COL24A1: variants seen among roughly 807,000 people sequenced by gnomAD.
COL24A1 encodes collagen alpha-1(XXIV) chain.
COL24A1 carries 224 observed loss-of-function variants against 253.9 expected under a neutral mutation model. The observed-to-expected ratio is 0.88, with a 90% CI of 0.79 to 0.99. The LOEUF (loss-of-function observed/expected upper bound fraction) is 0.99, where lower values mean the gene tolerates loss of function less well. Among genes scored for constraint, COL24A1 ranks in the 50% least tolerant of loss-of-function variants. The pLI is 0.00. For synonymous variants in COL24A1, 685 were observed against 673.7 expected, an observed-to-expected ratio of 1.02 and a Z score of -0.26; for missense variants, 2,131 against 2,068.5, an observed-to-expected ratio of 1.03 and a Z score of -0.59.
At chr1:86,033,650 C>A (rs1041918855) in intron 13 of COL24A1, among the ~76,000 whole-genome samples, 2 of 142,184 alleles carry the variant, frequency 1.4e-5, no homozygotes, top group Admixed American at 7.1e-5. Flanking sequence ...TTAACATCAT[C>A]AAAATAATTA....
chr1:86,020,061 C>CTTTTTTTTTTTTTTTTTTT (rs10582249), intron 18 of COL24A1, among the ~76,000 whole-genome samples: 3 of 102,594 alleles, frequency 2.9e-5, no homozygotes, highest in East Asian at 3.9e-4. Flanking sequence ...TTCATTCTTT[C>CTTTTTTTTTTTTTTTTTTT]TTTTTTTTTT....
intron 37 of COL24A1, among the ~76,000 whole-genome samples, chr1:85,853,631 G>A (rs1678072691): frequency 6.6e-6 from 1 of 152,048 alleles, no homozygotes; most frequent in South Asian, 2.1e-4. Context: ...TCACCAGCAT[G>A]TTATTTTTTG....
chr1:85,999,662 A>AAAAC (rs1558956296), intron 19 of COL24A1, among the ~76,000 whole-genome samples: 29 of 151,104 alleles, frequency 1.9e-4, no homozygotes, highest in African/African-American at 6.8e-4. Flanking sequence ...TAAAATAAAA[A>AAAAC]AGAAAAGAAA....
chr1:85,803,911 A>C (rs1458003728), intron 47 of COL24A1, among the ~76,000 whole-genome samples: 1 of 152,228 alleles, frequency 6.6e-6, no homozygotes, highest in Non-Finnish European at 1.5e-5. Context: ...TTCCAGTACA[A>C]TATTGAATAT....
At chr1:86,112,735 A>G in intron 4 of COL24A1, 115 bp from the exon 5 acceptor site, 1 of 904,534 alleles carries the variant, frequency 1.1e-6, no homozygotes. Flanking sequence ...GTTTTTGCTT[A>G]TGTTATTATG....
At chr1:85,856,059 ATG>A (rs1678405462) in intron 37 of COL24A1, among the ~76,000 whole-genome samples, 1 of 151,956 alleles carries the variant, frequency 6.6e-6, no homozygotes, top group African/African-American at 2.4e-5. Flanking sequence ...TCATTTCTGA[ATG>A]TGTTTATTTG....
chr1:86,156,316 C>T, intron 1 of COL24A1, 25 bp downstream of exon 1: 1 of 1,608,852 alleles, frequency 6.2e-7, no homozygotes, highest in East Asian at 2.2e-5. Context: ...TAACCCCTAC[C>T]CTACCCGGCG....
chr1:85,997,055 G>GTGTGTGTGTGTGTGTGTGTGTGTGTA, intron 19 of COL24A1, among the ~76,000 whole-genome samples: 2 of 95,090 alleles, frequency 2.1e-5, no homozygotes, highest in Non-Finnish European at 4.9e-5. Context: ...GTGTGTGTGT[G>GTGTGTGTGTGTGTGTGTGTGTGTGTA]TATATATATA....
chr1:86,022,765 T>C (rs906234524), intron 16 of COL24A1, 68 bp downstream of exon 16: 50 of 1,291,572 alleles, frequency 3.9e-5, no homozygotes, highest in Non-Finnish European at 4.9e-5. Flanking sequence ...TTTCATAAAT[T>C]GTGTTGACTG....
intron 2 of COL24A1, among the ~76,000 whole-genome samples, chr1:86,136,992 C>CGA (rs1650357096): frequency 6.6e-6 from 1 of 151,530 alleles, no homozygotes; most frequent in Admixed American, 6.6e-5. Context: ...GAACTGCAGA[C>CGA]AAAAAAAATG....
At chr1:86,152,216 T>C (rs1652871996) in intron 1 of COL24A1, among the ~76,000 whole-genome samples, 2 of 152,190 alleles carry the variant, frequency 1.3e-5, no homozygotes, top group Admixed American at 6.5e-5. Context: ...GGTAGTTATA[T>C]AGCTAAACCA....
chr1:85,815,129 T>A (rs1218915646), intron 47 of COL24A1, among the ~76,000 whole-genome samples: 1 of 152,246 alleles, frequency 6.6e-6, no homozygotes, highest in Non-Finnish European at 1.5e-5. Context: ...TGGTTTTCCT[T>A]GTTTGAATTC....
At chr1:86,094,081 C>T (rs1703717510) in intron 5 of COL24A1, among the ~76,000 whole-genome samples, 2 of 152,000 alleles carry the variant, frequency 1.3e-5, no homozygotes, top group African/African-American at 2.4e-5. Context: ...GACAGTGTGG[C>T]AATTCCTCAA....
In COL24A1 at chr1:85,761,188, G is replaced by A. The variant is rs189822730; in HGVS notation, c.4437+208C>T. Among the ~76,000 whole-genome samples, 306 of 152,268 alleles carry A rather than the reference G, an allele frequency of 2.0e-3. 3 individuals are homozygous for A. The highest frequency in any genetic ancestry group is 0.018 in the Admixed American group (274 of 15,288). ...ACACTTGAAACCACCCAAGAAAGCA[G>A]GAGATACCATCTCCATTTTATAAAT... On this transcript the variant is annotated intron_variant, in intron 55 of 59. Coordinates refer to ENST00000370571, the MANE Select transcript of COL24A1 (RefSeq NM_152890.7).
At chr1:85,745,949 A>T (rs1232750644) in intron 55 of COL24A1, among the ~76,000 whole-genome samples, 2 of 152,234 alleles carry the variant, frequency 1.3e-5, no homozygotes, top group African/African-American at 2.4e-5. Context: ...ACATTAATTT[A>T]ATCTGATACT....
At chr1:85,815,367 T>C (rs1672953163) in intron 47 of COL24A1, among the ~76,000 whole-genome samples, 1 of 152,222 alleles carries the variant, frequency 6.6e-6, no homozygotes, top group East Asian at 1.9e-4. Context: ...CAAATGAGTC[T>C]CTTTTAACCA....
At chr1:85,759,722 C>A (rs571864080) in intron 55 of COL24A1, among the ~76,000 whole-genome samples, 2 of 152,170 alleles carry the variant, frequency 1.3e-5, no homozygotes, top group Non-Finnish European at 2.9e-5. Context: ...ATATTTTAAT[C>A]CACATTTTGC....
In COL24A1 at chr1:85,796,708, T is replaced by C. The variant is rs535897501; in HGVS notation, c.3952-10247A>G. Reference sequence around the variant, plus strand: ...GCTTAACCATTTATATTTATTATTATGAAAAGATGATACCCAATAAATACA... The same window carrying C: ...GCTTAACCATTTATATTTATTATTACGAAAAGATGATACCCAATAAATACA... On this transcript the variant is annotated intron_variant, in intron 47 of 59. Transcript: ENST00000370571. 2.6e-5 allele frequency among the ~76,000 whole-genome samples: 4 copies of C among 152,352 alleles called. No individual in the cohort carries two copies. In the South Asian group the frequency reaches 8.3e-4, roughly 32 times the overall value.
At chr1:86,148,796 G>A (rs1488219961) in intron 1 of COL24A1, among the ~76,000 whole-genome samples, 2 of 152,142 alleles carry the variant, frequency 1.3e-5, no homozygotes, top group East Asian at 1.9e-4. Context: ...TGTGAATAAC[G>A]CCGCAATAAA....
Sources: gnomAD v4.1 joint callset for allele counts (sites outside exome capture counted in the v4.1 genomes callset) on GRCh38, gnomAD v4.1.1 for gene constraint, MANE v1.5 for transcripts, NCBI Gene and HGNC (gene_info 2026-07-23, HGNC 2026-07-21) for gene names.